Variants in CDON observed in about 807,000 individuals in gnomAD.
CDON encodes cell adhesion molecule-related/down-regulated by oncogenes.
Under a neutral mutation model 120.9 loss-of-function variants are expected in CDON, and 73 were observed. That is an observed-to-expected ratio of 0.60 (90% confidence interval 0.50 to 0.73). CDON has a LOEUF of 0.73. Among genes scored for constraint, CDON ranks in the 30% least tolerant of loss-of-function variants. The pLI, the probability that CDON is intolerant of heterozygous loss-of-function variation, is 0.00. For synonymous variants in CDON, 566 were observed against 573.5 expected (o/e 0.99, Z 0.19); for missense variants, 1,470 against 1,587.3 (o/e 0.93, Z 1.26).
chr11:125,979,635 A>G (rs1487030432), intron 17 of CDON, among the ~76,000 whole-genome samples: 1 of 152,190 alleles, frequency 6.6e-6, no homozygotes, highest in Non-Finnish European at 1.5e-5. Flanking sequence ...ATAGAAATTC[A>G]TTGTTCAAAA....
intron 1 of CDON, among the ~76,000 whole-genome samples, chr11:126,036,731 C>T (rs555165270): frequency 4.6e-5 from 7 of 152,292 alleles, no homozygotes; most frequent in Admixed American, 6.5e-5. Flanking sequence ...CTCTGCTGCC[C>T]GGACTGGAGT....
chr11:125,958,565 A>ATATATGTATG lies in CDON; in HGVS notation c.*2376_*2377insCATACATATA, dbSNP rs371911236. On this transcript the variant is annotated 3_prime_UTR_variant, in exon 20 of 20. Transcript: ENST00000531738. ...AAGGCAATTATATATATATATATATATGTGTGTGTGTGTGTGTGTGTGTGT... is the reference window on the plus strand; with the variant it reads ...AAGGCAATTATATATATATATATATATATATGTATGTGTGTGTGTGTGTGTGTGTGTGTGT... 1.5e-5 allele frequency: 2 copies of ATATATGTATG among 130,104 alleles called. No individual in the cohort carries two copies. Among genetic ancestry groups the ATATATGTATG allele is most frequent in the Non-Finnish European group, 3.2e-5 (2 of 62,364 alleles). 8.1% of individuals were successfully genotyped at this position (130,104 alleles called of 1,614,324 possible). A position where few individuals can be genotyped will look rare whatever the true frequency, so the allele number is the denominator to read the frequency against.
intron 11 of CDON, among the ~76,000 whole-genome samples, chr11:126,000,266 G>C (rs1280428156): frequency 6.6e-6 from 1 of 152,200 alleles, no homozygotes; most frequent in African/African-American, 2.4e-5. Flanking sequence ...GGAGTGCAGT[G>C]GAACAATCAT....
chr11:126,045,509 T>A (rs1230574097), intron 1 of CDON, among the ~76,000 whole-genome samples: 2 of 152,198 alleles, frequency 1.3e-5, no homozygotes, highest in Non-Finnish European at 2.9e-5. Flanking sequence ...AATATTATTT[T>A]AAATTTTTGA....
chr11:125,996,699 C>CAAAAA (rs71048761), intron 12 of CDON, among the ~76,000 whole-genome samples: 12 of 53,340 alleles, frequency 2.2e-4, no homozygotes, highest in Middle Eastern at 0.02. Flanking sequence ...GACTCCATCT[C>CAAAAA]AAAAAAAAAA....
At position 126,005,791 on chromosome 11, in the gene CDON, G is replaced by A. The variant is rs1947104519; in HGVS notation, c.1819C>T (p.Pro607Ser). ...TACTTCACAAAGTAAGCATTGATGG[G>A]CAGCCCACCATCCTTGCCTGCCCTC... ...VWRAGKDGGL[P>S]INAYFVKYRK... Residue 607 changes from proline to serine, a missense_variant, in exon 9 of 20, where the codon CCC (proline) becomes TCC (serine). Pro to Ser is a moderately conservative substitution (Grantham distance 74). Coordinates refer to ENST00000531738, the MANE Select transcript of CDON (RefSeq NM_001378964.1). 4 of 1,613,764 alleles carry A rather than the reference G, an allele frequency of 2.5e-6. No individual in the cohort carries two copies. The Admixed American group carries it at 5.0e-5, about 20-fold the overall frequency.
chr11:125,989,947 G>T (rs1343843466), intron 14 of CDON, among the ~76,000 whole-genome samples, 188 bp from the exon 15 acceptor site: 1 of 151,556 alleles, frequency 6.6e-6, no homozygotes, highest in African/African-American at 2.4e-5. Flanking sequence ...TCTATTACAC[G>T]GCATGAAAAA....
intron 12 of CDON, among the ~76,000 whole-genome samples, chr11:125,995,823 G>A (rs536042450): frequency 6.5e-4 from 99 of 152,270 alleles, no homozygotes; most frequent in Middle Eastern, 3.4e-3. Flanking sequence ...CCTATGCTGC[G>A]CATGTTGCTT....
rs2134321120 is a variant in CDON, at chr11:125,958,379, GC to G, written c.*2562del. On this transcript the variant is annotated 3_prime_UTR_variant, in exon 20 of 20. Coordinates refer to ENST00000531738, the MANE Select transcript of CDON (RefSeq NM_001378964.1). ...AACAGTAACAAGCACCGAGCACAGTGCCTGGTACACAGTAGTTATTCAGCAC... is the reference window on the plus strand; with the variant it reads ...AACAGTAACAAGCACCGAGCACAGTGCTGGTACACAGTAGTTATTCAGCAC... 1 of 152,162 alleles carries G rather than the reference GC, an allele frequency of 6.6e-6. No individual in the cohort carries two copies. The highest frequency in any genetic ancestry group is 1.9e-4 in the East Asian group (1 of 5,172). 9.4% of individuals were successfully genotyped at this position (152,162 alleles called of 1,614,324 possible). A position where few individuals can be genotyped will look rare whatever the true frequency, so the allele number is the denominator to read the frequency against.
rs1358831879 is a variant in CDON at position 126,021,489 on chromosome 11, G to A, written c.108C>T (p.Leu36=). The change falls in exon 3 of 20, where the codon CTC becomes CTT. Residue 36 remains leucine (L), a synonymous_variant. Transcript: ENST00000531738. ...DLAPYFTSEP[L]SAVQKLGGPV... is the part of the protein sequence containing the mutation. ...GTCCACCAAGTTTCTGGACAGCAGA[G>A]AGCGGCTCAGAAGTAAAATAAGGTG... 34 of 1,613,892 alleles carry A rather than the reference G, an allele frequency of 2.1e-5. No homozygotes were observed. Among genetic ancestry groups the A allele is most frequent in the Non-Finnish European group, 2.8e-5 (33 of 1,179,940 alleles).
At chr11:126,043,361 G>A (rs1948316972) in intron 1 of CDON, among the ~76,000 whole-genome samples, 1 of 152,042 alleles carries the variant, frequency 6.6e-6, no homozygotes, top group Non-Finnish European at 1.5e-5. Flanking sequence ...CCGGGCCCTT[G>A]AGCCGCTGCT....
At chr11:126,058,436 A>C (rs1444744263) in intron 1 of CDON, among the ~76,000 whole-genome samples, 1 of 152,240 alleles carries the variant, frequency 6.6e-6, no homozygotes, top group Non-Finnish European at 1.5e-5. Context: ...CCATAGTAGT[A>C]GGAGAAATGC....
At chr11:125,972,451 G>T (rs1435200039) in intron 18 of CDON, among the ~76,000 whole-genome samples, 3 of 151,808 alleles carry the variant, frequency 2.0e-5, no homozygotes, top group Non-Finnish European at 4.4e-5. Context: ...AAAATCAAAA[G>T]AAACTAAAAA....
chr11:126,007,448 G>A (rs2134609293), intron 8 of CDON, among the ~76,000 whole-genome samples: 1 of 152,316 alleles, frequency 6.6e-6, no homozygotes, highest in African/African-American at 2.4e-5. Context: ...TAGTGAGTCA[G>A]ACTGCGGACT....
chr11:126,038,540 T>C (rs1462759820), intron 1 of CDON, among the ~76,000 whole-genome samples: 5 of 151,886 alleles, frequency 3.3e-5, no homozygotes, highest in Non-Finnish European at 7.4e-5. Context: ...TAATCCCAGC[T>C]ACTCGGGACG....
At chr11:126,029,005 C>G (rs1475196094) in intron 1 of CDON, among the ~76,000 whole-genome samples, 1 of 151,994 alleles carries the variant, frequency 6.6e-6, no homozygotes, top group South Asian at 2.1e-4. Context: ...ATTGTCAAGT[C>G]GTGTTCCAAA....
intron 18 of CDON, among the ~76,000 whole-genome samples, chr11:125,977,726 C>T (rs933274010): frequency 1.3e-4 from 20 of 152,056 alleles, no homozygotes; most frequent in African/African-American, 4.3e-4. Flanking sequence ...CATTGCTCTC[C>T]ATATTTCTAT....
chr11:125,971,786 T>G (rs1207454866), intron 18 of CDON, among the ~76,000 whole-genome samples: 2 of 152,172 alleles, frequency 1.3e-5, no homozygotes, highest in Non-Finnish European at 2.9e-5. Flanking sequence ...ATCTGTGAAT[T>G]TCATCAGTGT....
chr11:126,017,281 C>G lies in CDON; in HGVS notation c.735G>C (p.Val245=). The change falls in exon 6 of 20, where the codon GTG becomes GTC. Residue 245 remains valine (V), a synonymous_variant. Coordinates refer to ENST00000531738, the MANE Select transcript of CDON (RefSeq NM_001378964.1). ...ACACTTGAGGAGCCGGGACCCCACT[C>G]ACCACACACTCCAAGGTTACAGGGC... ...SRSPVTLECV[V]SGVPAPQVYW... is the part of the protein sequence containing the mutation. 1 of 1,614,142 alleles carries G rather than the reference C, an allele frequency of 6.2e-7. No homozygotes were observed. Among genetic ancestry groups the G allele is most frequent in the South Asian group, 1.1e-5 (1 of 91,070 alleles).
Sources: gnomAD v4.1 joint callset for allele counts (sites outside exome capture counted in the v4.1 genomes callset) on GRCh38, gnomAD v4.1.1 for gene constraint, MANE v1.5 for transcripts, NCBI Gene and HGNC (gene_info 2026-07-23, HGNC 2026-07-21) for gene names.